ADGRL3: variants seen among roughly 807,000 people sequenced by gnomAD.
ADGRL3 encodes adhesion G protein-coupled receptor L3.
A neutral mutation model predicts 153.5 loss-of-function variants in ADGRL3; 62 were observed. The observed-to-expected ratio is 0.40, with a 90% confidence interval of 0.33 to 0.50. The LOEUF is 0.50. Ranked by LOEUF, ADGRL3 falls within the 20% of genes least tolerant of loss-of-function variation. ADGRL3 has a pLI of 0.47. For missense variants in ADGRL3, 1,641 were observed against 1,859.4 expected, an observed-to-expected ratio of 0.88 and a Z score of 2.16; for synonymous variants, 710 against 672.5, an observed-to-expected ratio of 1.06 and a Z score of -0.86.
In ADGRL3 at chr4:62,043,734, A is replaced by C. The variant is rs917283140; in HGVS notation, c.3718-719A>C. Reference sequence around the variant, plus strand: ...AAACTGATATAACAGAATAAAAAAGAAAAAAATCCCCCAATGGAAAAAGTT... The same window carrying C: ...AAACTGATATAACAGAATAAAAAAGCAAAAAATCCCCCAATGGAAAAAGTT... On this transcript the variant is annotated intron_variant, in intron 24 of 26. Transcript: ENST00000683033. 6.6e-5 allele frequency among the ~76,000 whole-genome samples: 10 copies of C among 152,030 alleles called. 1 individual carries two copies. Among genetic ancestry groups the C allele is most frequent in the Non-Finnish European group, 1.3e-4 (9 of 67,960 alleles).
chr4:61,699,864 A>C (rs564176027), intron 6 of ADGRL3, among the ~76,000 whole-genome samples: 1 of 152,244 alleles, frequency 6.6e-6, no homozygotes, highest in South Asian at 2.1e-4. Flanking sequence ...TAACTTGGAA[A>C]AAAAGTACTA....
chr4:61,637,658 G>A (rs2150117060), intron 5 of ADGRL3, among the ~76,000 whole-genome samples: 1 of 152,222 alleles, frequency 6.6e-6, no homozygotes, highest in Non-Finnish European at 1.5e-5. Context: ...CTACTCGTGA[G>A]GCTGAGGCAC....
chr4:61,994,138 G>A lies in ADGRL3; in HGVS notation c.3237-2153G>A, dbSNP rs576674806. 4.6e-5 allele frequency among the ~76,000 whole-genome samples: 7 copies of A among 152,116 alleles called. No homozygotes were observed. The South Asian group carries it at 1.5e-3, about 32-fold the overall frequency. On this transcript the variant is annotated intron_variant, in intron 19 of 26. Coordinates refer to ENST00000683033, the MANE Select transcript of ADGRL3 (RefSeq NM_001387552.1). ...ACTTAATAGAAGAAGGCCAGACTTC[G>A]TTTTTCGTTTTTGTTTTGTTTTTGT...
chr4:61,666,113 T>C (rs1000473273), intron 5 of ADGRL3, among the ~76,000 whole-genome samples: 1 of 152,128 alleles, frequency 6.6e-6, no homozygotes, highest in Admixed American at 6.5e-5. Context: ...TTTTGGTACT[T>C]TTTTCTTTTT....
At chr4:61,298,416 AT>A (rs2094480461) in intron 1 of ADGRL3, among the ~76,000 whole-genome samples, 1 of 152,136 alleles carries the variant, frequency 6.6e-6, no homozygotes, top group Non-Finnish European at 1.5e-5. Context: ...ATTCCTCCTT[AT>A]CCAGTTTTTG....
chr4:61,318,206 A>C (rs2095271431), intron 1 of ADGRL3, among the ~76,000 whole-genome samples: 1 of 130,052 alleles, frequency 7.7e-6, no homozygotes, highest in South Asian at 2.5e-4. Flanking sequence ...AAAAAAAAAA[A>C]AAAAAAAACA....
intron 21 of ADGRL3, among the ~76,000 whole-genome samples, chr4:62,024,098 A>T (rs763620126): frequency 3.3e-5 from 5 of 152,156 alleles, no homozygotes; most frequent in Non-Finnish European, 5.9e-5. Flanking sequence ...CTTATATAAC[A>T]TTGACTTGTA....
At chr4:61,966,474 A>G (rs1312607421) in intron 17 of ADGRL3, among the ~76,000 whole-genome samples, 1 of 152,140 alleles carries the variant, frequency 6.6e-6, no homozygotes, top group African/African-American at 2.4e-5. Context: ...ATATCTGGGT[A>G]ACTCATATCT....
At chr4:61,794,298 T>G (rs1244057386) in intron 8 of ADGRL3, among the ~76,000 whole-genome samples, 1 of 152,182 alleles carries the variant, frequency 6.6e-6, no homozygotes, top group Non-Finnish European at 1.5e-5. Flanking sequence ...AGGTGGTCAT[T>G]TTGCTCTCAC....
intron 2 of ADGRL3, among the ~76,000 whole-genome samples, chr4:61,493,219 AAG>A (rs2152791977): frequency 6.6e-6 from 1 of 152,162 alleles, no homozygotes; most frequent in East Asian, 1.9e-4. Context: ...AGTTGTGAGT[AAG>A]AGAGAGGCAG....
intron 5 of ADGRL3, among the ~76,000 whole-genome samples, chr4:61,659,382 G>C (rs999807616): frequency 3.3e-5 from 5 of 152,120 alleles, no homozygotes; most frequent in Non-Finnish European, 2.9e-5. Context: ...CTGATAACCT[G>C]TCCAGATGCC....
chr4:61,963,579 C>T (rs975076295), intron 17 of ADGRL3, among the ~76,000 whole-genome samples: 2 of 152,110 alleles, frequency 1.3e-5, no homozygotes, highest in Non-Finnish European at 2.9e-5. Flanking sequence ...CATGTTGCTG[C>T]AAAGGACTTG....
chr4:61,869,961 A>AAAAAAAAAAAAAAAT (rs61097910), intron 9 of ADGRL3, among the ~76,000 whole-genome samples: 1 of 93,932 alleles, frequency 1.1e-5, no homozygotes, highest in African/African-American at 4.3e-5. Flanking sequence ...AAAAAAAAAA[A>AAAAAAAAAAAAAAAT]GAGAGAGAGA....
chr4:61,425,919 A>T (rs550925009), intron 2 of ADGRL3, among the ~76,000 whole-genome samples: 1 of 152,312 alleles, frequency 6.6e-6, no homozygotes, highest in South Asian at 2.1e-4. Context: ...GCATTGAGGC[A>T]GGCAACAGCA....
intron 8 of ADGRL3, among the ~76,000 whole-genome samples, chr4:61,778,162 G>A (rs1414686764): frequency 1.3e-5 from 2 of 152,186 alleles, no homozygotes; most frequent in Non-Finnish European, 2.9e-5. Context: ...CCTTCAGGCT[G>A]TGTGTATAAG....
intron 13 of ADGRL3, among the ~76,000 whole-genome samples, chr4:61,923,180 T>C (rs1295070241): frequency 6.6e-6 from 1 of 152,240 alleles, no homozygotes; most frequent in Non-Finnish European, 1.5e-5. Flanking sequence ...GTCTGAGTGC[T>C]ATTAAAATCC....
chr4:61,300,996 T>G (rs2094566491), intron 1 of ADGRL3, among the ~76,000 whole-genome samples: 1 of 152,210 alleles, frequency 6.6e-6, no homozygotes, highest in African/African-American at 2.4e-5. Flanking sequence ...AACTCCTGAC[T>G]TTGTGATCCA....
intron 9 of ADGRL3, among the ~76,000 whole-genome samples, chr4:61,864,201 G>T (rs1193793961): frequency 6.6e-6 from 1 of 152,050 alleles, no homozygotes; most frequent in Non-Finnish European, 1.5e-5. Flanking sequence ...AATCTATTTA[G>T]ATCTTCTTTT....
At chr4:61,864,299 A>G (rs761581668) in intron 9 of ADGRL3, among the ~76,000 whole-genome samples, 59 of 152,170 alleles carry the variant, frequency 3.9e-4, no homozygotes, top group Non-Finnish European at 7.9e-4. Flanking sequence ...GGCCCATAAA[A>G]ATAACTTCTC....
Sources: allele counts gnomAD v4.1 joint callset (sites outside exome capture counted in the v4.1 genomes callset), GRCh38; gene constraint gnomAD v4.1.1; transcripts MANE v1.5; gene names NCBI Gene and HGNC (gene_info 2026-07-23, HGNC 2026-07-21).